The following FAT3 variants were observed in gnomAD, a reference collection of about 807,000 sequenced individuals.
FAT3 encodes protocadherin Fat 3.
A neutral mutation model predicts 310.2 loss-of-function variants in FAT3; 95 were observed. The observed-to-expected ratio is 0.31, with a 90% CI of 0.26 to 0.36. The LOEUF is 0.36. FAT3 is among the 10% of genes least tolerant of loss of function. The pLI, the probability that FAT3 is intolerant of heterozygous loss-of-function variation, is 1.00. For synonymous variants in FAT3, 2,314 were observed against 2,192.9 expected (o/e 1.06, Z -1.54); for missense variants, 5,408 against 5,715.6 (o/e 0.95, Z 1.74).
At chr11:92,861,091 C>T (rs1949109419) in intron 21 of FAT3, among the ~76,000 whole-genome samples, 1 of 152,126 alleles carries the variant, frequency 6.6e-6, no homozygotes. Flanking sequence ...TCTTCTGGCC[C>T]CGGAAGCAGC....
intron 3 of FAT3, among the ~76,000 whole-genome samples, chr11:92,604,019 A>G (rs1007271568): frequency 6.6e-6 from 1 of 152,232 alleles, no homozygotes; most frequent in Non-Finnish European, 1.5e-5. Context: ...TGAAGCGGGC[A>G]CCAACACAGC....
intron 1 of FAT3, among the ~76,000 whole-genome samples, chr11:92,271,494 A>G (rs924738476): frequency 2.0e-5 from 3 of 152,070 alleles, no homozygotes; most frequent in Admixed American, 6.6e-5. Flanking sequence ...TCTTCACAGC[A>G]TATTTTAGTA....
At chr11:92,312,714 T>G (rs966400345) in intron 1 of FAT3, among the ~76,000 whole-genome samples, 1 of 152,190 alleles carries the variant, frequency 6.6e-6, no homozygotes, top group African/African-American at 2.4e-5. Context: ...GCTTCTTGGA[T>G]AATAATATGG....
intron 4 of FAT3, among the ~76,000 whole-genome samples, chr11:92,723,772 A>G (rs1944926831): frequency 6.6e-6 from 1 of 152,146 alleles, no homozygotes; most frequent in Non-Finnish European, 1.5e-5. Flanking sequence ...TCCCCTTTTT[A>G]AAACCATCAG....
chr11:92,399,282 C>G (rs745315372), intron 2 of FAT3, among the ~76,000 whole-genome samples: 2 of 152,126 alleles, frequency 1.3e-5, no homozygotes, highest in Non-Finnish European at 2.9e-5. Flanking sequence ...CATCTACTGA[C>G]CATTTCCTCT....
intron 3 of FAT3, among the ~76,000 whole-genome samples, chr11:92,685,307 CCAAA>C (rs936874816): frequency 8.5e-5 from 13 of 152,146 alleles, no homozygotes; most frequent in African/African-American, 2.2e-4. Flanking sequence ...CCTCAATTAA[CCAAA>C]CAGACTGCAG....
intron 3 of FAT3, among the ~76,000 whole-genome samples, chr11:92,552,316 A>G (rs1002648080): frequency 1.3e-5 from 2 of 152,216 alleles, no homozygotes; most frequent in Non-Finnish European, 2.9e-5. Flanking sequence ...ATGAATTACA[A>G]TGTGAATAAA....
chr11:92,414,878 C>A (rs1950372462), intron 2 of FAT3, among the ~76,000 whole-genome samples: 1 of 151,992 alleles, frequency 6.6e-6, no homozygotes, highest in African/African-American at 2.4e-5. Context: ...GGCTTGGTGG[C>A]AGGCGCCTGT....
chr11:92,536,527 A>G (rs887500075), intron 3 of FAT3, among the ~76,000 whole-genome samples: 1 of 152,182 alleles, frequency 6.6e-6, no homozygotes, highest in Admixed American at 6.5e-5. Context: ...TTAACATTAA[A>G]TGAGTTAAGA....
At chr11:92,519,315 G>T (rs1354350535) in intron 2 of FAT3, among the ~76,000 whole-genome samples, 1 of 151,940 alleles carries the variant, frequency 6.6e-6, no homozygotes, top group Admixed American at 6.6e-5. Flanking sequence ...TCAACACATG[G>T]GGCTGGAACA....
At chr11:92,611,433 G>T (rs941326413) in intron 3 of FAT3, among the ~76,000 whole-genome samples, 2 of 151,638 alleles carry the variant, frequency 1.3e-5, no homozygotes, top group African/African-American at 4.8e-5. Context: ...TTTGAAACAG[G>T]GTTTTGCTTT....
chr11:92,516,227 T>C (rs113794929), intron 2 of FAT3, among the ~76,000 whole-genome samples: 5,765 of 151,984 alleles, frequency 0.038, 362 homozygotes, highest in African/African-American at 0.13. Context: ...AACATCAATG[T>C]GAAAATCCTC....
At chr11:92,812,904 C>G (rs929479942) in intron 13 of FAT3, among the ~76,000 whole-genome samples, 1 of 152,176 alleles carries the variant, frequency 6.6e-6, no homozygotes, top group South Asian at 2.1e-4. Flanking sequence ...GTGGGAGACA[C>G]CTGGTGGGAG....
intron 1 of FAT3, among the ~76,000 whole-genome samples, chr11:92,291,136 G>A (rs1469660258): frequency 7.9e-6 from 1 of 126,202 alleles, no homozygotes; most frequent in Non-Finnish European, 1.8e-5. Flanking sequence ...CGCAGAAGTA[G>A]GTGGGTATTT....
intron 19 of FAT3, among the ~76,000 whole-genome samples, chr11:92,856,555 T>C (rs559769178): frequency 3.0e-4 from 46 of 152,306 alleles, no homozygotes; most frequent in African/African-American, 1.1e-3. Flanking sequence ...CATCTTACTG[T>C]GCTGTGAACA....
At chr11:92,694,015 G>A (rs1210917207) in intron 3 of FAT3, among the ~76,000 whole-genome samples, 1 of 151,912 alleles carries the variant, frequency 6.6e-6, no homozygotes, top group Admixed American at 6.6e-5. Flanking sequence ...TTAAAGTCAG[G>A]GTTTATGATT....
chr11:92,670,555 T>G (rs1250224201), intron 3 of FAT3, among the ~76,000 whole-genome samples: 2 of 152,196 alleles, frequency 1.3e-5, no homozygotes, highest in Admixed American at 1.3e-4. Context: ...ATGAGTTGTG[T>G]TGACATATCA....
At chr11:92,692,539 A>G (rs193009271) in intron 3 of FAT3, among the ~76,000 whole-genome samples, 27 of 152,360 alleles carry the variant, frequency 1.8e-4, no homozygotes, top group Non-Finnish European at 2.8e-4. Flanking sequence ...TTAAAGACCC[A>G]AAGCCTTTGC....
intron 2 of FAT3, among the ~76,000 whole-genome samples, chr11:92,517,517 A>T (rs1359025059): frequency 1.3e-5 from 2 of 152,132 alleles, no homozygotes; most frequent in Non-Finnish European, 2.9e-5. Flanking sequence ...AACCATAAAA[A>T]CCCTAGAAGA....
Sources: allele counts gnomAD v4.1 joint callset (sites outside exome capture counted in the v4.1 genomes callset), GRCh38; gene constraint gnomAD v4.1.1; transcripts MANE v1.5; gene names NCBI Gene and HGNC (gene_info 2026-07-23, HGNC 2026-07-21).